KCNJ6: variants seen among roughly 807,000 people sequenced by gnomAD.
KCNJ6 encodes the protein potassium inwardly rectifying channel subfamily J member 6, also known as G protein-activated inward rectifier potassium channel 2.
A neutral mutation model predicts 34.2 loss-of-function variants in KCNJ6; 9 were observed. The ratio of observed to expected loss-of-function variants is 0.26; its 90% CI spans 0.16 to 0.46. KCNJ6 has a LOEUF of 0.46. Among genes scored for constraint, KCNJ6 ranks in the 20% least tolerant of loss-of-function variants. KCNJ6 has a pLI of 1.00. For synonymous variants in KCNJ6, 196 were observed against 207.1 expected (o/e 0.95, Z 0.46); for missense variants, 236 against 531.3 (o/e 0.44, Z 5.46).
chr21:37,891,211 C>G (rs2055760323), intron 1 of KCNJ6, among the ~76,000 whole-genome samples: 1 of 152,036 alleles, frequency 6.6e-6, no homozygotes, highest in Admixed American at 6.5e-5. Context: ...GAAAGGTGAG[C>G]AGGTTTTGCA....
intron 2 of KCNJ6, among the ~76,000 whole-genome samples, chr21:37,755,113 G>C (rs1361744494): frequency 6.6e-6 from 1 of 152,102 alleles, no homozygotes; most frequent in East Asian, 1.9e-4. Flanking sequence ...CTAAATCTTA[G>C]AAAAGAAGTT....
At chr21:37,637,651 C>T (rs2054363880) in intron 3 of KCNJ6, among the ~76,000 whole-genome samples, 1 of 152,118 alleles carries the variant, frequency 6.6e-6, no homozygotes, top group South Asian at 2.1e-4. Context: ...TTCTCTGGGT[C>T]ACATAGTGCT....
chr21:37,705,656 G>C (rs1220599159), intron 3 of KCNJ6, among the ~76,000 whole-genome samples: 1 of 152,194 alleles, frequency 6.6e-6, no homozygotes, highest in African/African-American at 2.4e-5. Context: ...AAGATTTTGT[G>C]AAGGTAAGGA....
chr21:37,641,591 G>A (rs2054381197), intron 3 of KCNJ6, among the ~76,000 whole-genome samples: 1 of 152,078 alleles, frequency 6.6e-6, no homozygotes, highest in Non-Finnish European at 1.5e-5. Context: ...GCAACGTGTG[G>A]GGTAAGGGTG....
chr21:37,672,016 ACTT>A (rs1407324849), intron 3 of KCNJ6, among the ~76,000 whole-genome samples: 1 of 151,898 alleles, frequency 6.6e-6, no homozygotes, highest in Non-Finnish European at 1.5e-5. Flanking sequence ...AACTAGTTTT[ACTT>A]CTTTCCAATT....
chr21:37,907,797 T>C (rs2055848790), intron 1 of KCNJ6, among the ~76,000 whole-genome samples: 1 of 152,226 alleles, frequency 6.6e-6, no homozygotes, highest in African/African-American at 2.4e-5. Flanking sequence ...AAAACACTCC[T>C]AATTCTTTCA....
chr21:37,842,686 G>A (rs2055486945), intron 1 of KCNJ6, among the ~76,000 whole-genome samples: 1 of 152,256 alleles, frequency 6.6e-6, no homozygotes, highest in Admixed American at 6.5e-5. Context: ...GAGAGGCTAA[G>A]TGTCACGTCA....
At chr21:37,679,233 G>A (rs761160892) in intron 3 of KCNJ6, among the ~76,000 whole-genome samples, 4 of 152,202 alleles carry the variant, frequency 2.6e-5, no homozygotes, top group Non-Finnish European at 5.9e-5. Flanking sequence ...AACCTCATAA[G>A]TACTCAGCTA....
chr21:37,779,875 G>A (rs913175594), intron 2 of KCNJ6, among the ~76,000 whole-genome samples: 10 of 152,192 alleles, frequency 6.6e-5, no homozygotes, highest in Admixed American at 6.5e-4. Context: ...CTCTGGATGT[G>A]ATTCCATTTA....
chr21:37,772,373 CAT>C (rs1343131119), intron 2 of KCNJ6, among the ~76,000 whole-genome samples: 5 of 152,112 alleles, frequency 3.3e-5, no homozygotes, highest in South Asian at 2.1e-4. Context: ...CACACACACA[CAT>C]GCATGCATAT....
At chr21:37,911,457 T>A (rs1229078355) in intron 1 of KCNJ6, among the ~76,000 whole-genome samples, 4 of 152,266 alleles carry the variant, frequency 2.6e-5, no homozygotes, top group African/African-American at 9.6e-5. Context: ...TTATTGAAGA[T>A]AAAATGAAGA....
At chr21:37,837,071 G>A (rs902828254) in intron 2 of KCNJ6, among the ~76,000 whole-genome samples, 4 of 151,324 alleles carry the variant, frequency 2.6e-5, no homozygotes, top group Non-Finnish European at 5.9e-5. Context: ...ATTCTGTCTC[G>A]GTCCTCCTCA....
intron 2 of KCNJ6, among the ~76,000 whole-genome samples, chr21:37,767,262 C>A (rs1027404234): frequency 6.6e-6 from 1 of 152,154 alleles, no homozygotes; most frequent in Non-Finnish European, 1.5e-5. Flanking sequence ...GCTGCCTCGT[C>A]CTCACCTCAG....
intron 2 of KCNJ6, among the ~76,000 whole-genome samples, chr21:37,822,905 G>A (rs2055380592): frequency 6.6e-6 from 1 of 152,194 alleles, no homozygotes; most frequent in Admixed American, 6.5e-5. Context: ...GGTGGAATAA[G>A]ACTTTTCAGT....
intron 3 of KCNJ6, among the ~76,000 whole-genome samples, chr21:37,700,797 T>C (rs1176342497): frequency 6.6e-6 from 1 of 152,146 alleles, no homozygotes; most frequent in African/African-American, 2.4e-5. Flanking sequence ...TACAGCTATA[T>C]AGACCTATTC....
intron 2 of KCNJ6, among the ~76,000 whole-genome samples, chr21:37,819,933 C>T (rs1459938646): frequency 6.8e-6 from 1 of 147,908 alleles, no homozygotes; most frequent in African/African-American, 2.6e-5. Context: ...TACAGGCGCT[C>T]ATCACCACAC....
intron 3 of KCNJ6, among the ~76,000 whole-genome samples, chr21:37,651,139 G>A (rs1379299306): frequency 2.0e-5 from 3 of 152,204 alleles, no homozygotes; most frequent in Non-Finnish European, 2.9e-5. Context: ...TTAAGGGCAG[G>A]AGCTTGGTGT....
chr21:37,848,893 C>T (rs1239813301), intron 1 of KCNJ6, among the ~76,000 whole-genome samples: 1 of 152,164 alleles, frequency 6.6e-6, no homozygotes, highest in Non-Finnish European at 1.5e-5. Context: ...GGGACAAGCT[C>T]TTGACTTTCA....
intron 3 of KCNJ6, among the ~76,000 whole-genome samples, chr21:37,646,700 TGG>T: frequency 4.0e-3 from 2 of 496 alleles, no homozygotes; most frequent in African/African-American, 8.5e-3. Flanking sequence ...GAGACGGAGT[TGG>T]CTCTGTCGCC....
Sources: allele counts gnomAD v4.1 joint callset (sites outside exome capture counted in the v4.1 genomes callset), GRCh38; gene constraint gnomAD v4.1.1; transcripts MANE v1.5; gene names NCBI Gene and HGNC (gene_info 2026-07-23, HGNC 2026-07-21).